DPP4: variants seen among roughly 807,000 people sequenced by gnomAD.
DPP4 encodes dipeptidyl peptidase 4, also known as ADCP-2.
DPP4 carries 93 observed loss-of-function variants against 122.4 expected under a neutral mutation model. The ratio of observed to expected loss-of-function variants is 0.76; its 90% CI spans 0.64 to 0.90. The LOEUF is 0.90. Among genes scored for constraint, DPP4 ranks in the 40% least tolerant of loss-of-function variants. DPP4 has a pLI of 0.00. For missense variants in DPP4, 914 were observed against 907.3 expected, an observed-to-expected ratio of 1.01 and a Z score of -0.09; for synonymous variants, 321 against 302.9, an observed-to-expected ratio of 1.06 and a Z score of -0.62.
intron 9 of DPP4, 37 bp downstream of exon 9, chr2:162,035,127 C>T: frequency 6.3e-7 from 1 of 1,576,364 alleles, no homozygotes; most frequent in Non-Finnish European, 8.6e-7. Flanking sequence ...CTCTTCCCAT[C>T]AAATCATGGA....
At chr2:162,038,885 A>T in intron 7 of DPP4, 64 bp downstream of exon 7, 2 of 1,376,738 alleles carry the variant, frequency 1.5e-6, no homozygotes, top group Non-Finnish European at 2.1e-6. Flanking sequence ...TATCAGGGTT[A>T]GTAACTTCTG....
intron 11 of DPP4, 142 bp from the exon 12 acceptor site, chr2:162,022,941 A>T: frequency 1.1e-6 from 1 of 879,556 alleles, no homozygotes; most frequent in Non-Finnish European, 1.8e-6. Flanking sequence ...TTATGTTAGT[A>T]TTTTTCAAGT....
At chr2:162,026,896 T>A (rs1683348919) in intron 10 of DPP4, among the ~76,000 whole-genome samples, 1 of 152,142 alleles carries the variant, frequency 6.6e-6, no homozygotes, top group Admixed American at 6.5e-5. Context: ...ACTTTTTCAA[T>A]TAAGGGTCAG....
chr2:161,997,381 A>G (rs1309210525), intron 23 of DPP4, among the ~76,000 whole-genome samples: 1 of 152,140 alleles, frequency 6.6e-6, no homozygotes, highest in Non-Finnish European at 1.5e-5. Flanking sequence ...ATCAATATTT[A>G]CTTATTATGT....
intron 19 of DPP4, 30 bp downstream of exon 19, chr2:162,014,366 C>T (rs761317859): frequency 1.9e-6 from 3 of 1,566,354 alleles, no homozygotes; most frequent in Admixed American, 1.7e-5. Context: ...CTCAATACTT[C>T]TAAATTGCTC....
intron 2 of DPP4, among the ~76,000 whole-genome samples, chr2:162,058,644 C>A (rs552597218): frequency 2.9e-4 from 44 of 152,258 alleles, no homozygotes; most frequent in Admixed American, 1.9e-3. Context: ...AACATCTAGA[C>A]CTGGAGTTGG....
Position 162,038,752 on chromosome 2 carries a change from G to A in DPP4, c.492+197C>T, listed in dbSNP as rs140058165. On this transcript the variant is annotated intron_variant, in intron 7 of 25. Transcript: ENST00000360534. ...GCTTGTATATTTCTTTATTGGGAGA[G>A]TGAGTAGAGAGAAGGCAGTTGCATT... 3.7e-3 allele frequency among the ~76,000 whole-genome samples: 567 copies of A among 152,264 alleles called. 7 individuals are homozygous for A. Among genetic ancestry groups the A allele is most frequent in the East Asian group, 0.018 (92 of 5,186 alleles).
intron 22 of DPP4, among the ~76,000 whole-genome samples, chr2:162,006,643 T>C (rs1444405836): frequency 6.6e-6 from 1 of 152,186 alleles, no homozygotes; most frequent in East Asian, 1.9e-4. Context: ...TTGGTTTGGT[T>C]ATTTTGGATA....
At chr2:162,025,810 A>G (rs984116801) in intron 10 of DPP4, among the ~76,000 whole-genome samples, 8 of 151,970 alleles carry the variant, frequency 5.3e-5, no homozygotes, top group African/African-American at 1.9e-4. Context: ...TTTGTCAGAG[A>G]GTTCCAAATG....
At chr2:162,013,059 G>C (rs1376435414) in intron 19 of DPP4, among the ~76,000 whole-genome samples, 1 of 151,366 alleles carries the variant, frequency 6.6e-6, no homozygotes, top group East Asian at 1.9e-4. Flanking sequence ...TATTAAATTT[G>C]GTAGATTAAG....
chr2:162,030,700 C>G (rs536348063), intron 10 of DPP4, among the ~76,000 whole-genome samples: 37 of 152,160 alleles, frequency 2.4e-4, no homozygotes, highest in Admixed American at 7.2e-4. Flanking sequence ...AAACCGCAAC[C>G]TTACCAGTGT....
At chr2:162,073,322 C>T in intron 2 of DPP4, 77 bp downstream of exon 2, 7 of 1,479,888 alleles carry the variant, frequency 4.7e-6, no homozygotes, top group Non-Finnish European at 5.6e-6. Context: ...CAAAATCCCT[C>T]GTTTCCCTTA....
At chr2:162,053,516 C>T (rs143285391) in intron 2 of DPP4, among the ~76,000 whole-genome samples, 144 of 152,256 alleles carry the variant, frequency 9.5e-4, no homozygotes, top group African/African-American at 3.0e-3. Flanking sequence ...AGCCACATGC[C>T]GTCCGTAGGC....
rs1480553468 is a variant in DPP4, at chr2:162,009,269, T to A, written c.1859A>T (p.Asp620Val). 4 of 1,613,800 alleles carry A rather than the reference T, an allele frequency of 2.5e-6. No individual in the cohort carries two copies. In the South Asian group the frequency reaches 4.4e-5, roughly 18 times the overall value. ...GCCCCAAATTGCAATTCGTTTGTTGTCCACAAATCCCATTTTTGAAAATTG... is the reference window on the plus strand; with the variant it reads ...GCCCCAAATTGCAATTCGTTTGTTGACCACAAATCCCATTTTTGAAAATTG... ...ARQFSKMGFVDNKRIAIWGWS... is the reference protein window; with the variant it reads ...ARQFSKMGFVVNKRIAIWGWS... Residue 620 changes from aspartate (D) to valine (V), a missense_variant, in exon 21 of 26, where the codon GAC becomes GTC. Physicochemically the swap from Asp to Val is radical, Grantham distance 152. Coordinates refer to ENST00000360534, the MANE Select transcript of DPP4 (RefSeq NM_001935.4).
chr2:162,014,577 T>C (rs1682845854), intron 18 of DPP4, 112 bp from the exon 19 acceptor site: 1 of 731,378 alleles, frequency 1.4e-6, no homozygotes, highest in African/African-American at 1.8e-5. Context: ...ATTTGTTAAA[T>C]GAGAGTAGAA....
At chr2:162,014,557 G>A (rs1310246367) in intron 18 of DPP4, 92 bp from the exon 19 acceptor site, 2 of 876,592 alleles carry the variant, frequency 2.3e-6, no homozygotes, top group East Asian at 5.1e-5. Flanking sequence ...GTCATTTCTA[G>A]AGTTTAACAA....
At chr2:161,993,447 ACG>A in intron 25 of DPP4, 63 bp from the exon 26 acceptor site, 1 of 1,110,498 alleles carries the variant, frequency 9.0e-7, no homozygotes, top group Non-Finnish European at 1.3e-6. Flanking sequence ...AAAAAAAAAT[ACG>A]TAAATTCAAA....
intron 23 of DPP4, chr2:162,005,495 T>G (rs901734620): frequency 1.4e-5 from 5 of 352,742 alleles, no homozygotes; most frequent in African/African-American, 1.0e-4. Context: ...ATTAAAGTAA[T>G]TATCTGATGT....
Position 162,074,160 on chromosome 2 carries a change from G to T in DPP4, c.-179C>A, listed in dbSNP as rs1470184072. ...CGAGCCCGCTGGGTATAAAGGCGCCGCGGGCAGGCTGCAGGGCAGGCGGCG... is the reference window on the plus strand; with the variant it reads ...CGAGCCCGCTGGGTATAAAGGCGCCTCGGGCAGGCTGCAGGGCAGGCGGCG... On this transcript the variant is annotated 5_prime_UTR_variant, in exon 1 of 26. Transcript: ENST00000360534. The T allele has an allele frequency of 3.0e-6, 4 of 1,316,358 alleles. No homozygotes were observed. Among genetic ancestry groups the T allele is most frequent in the Non-Finnish European group, 3.9e-6 (4 of 1,034,462 alleles). The allele number at this position is 1,316,358 out of a possible 1,614,324, so 81.5% of individuals were successfully genotyped here.
Sources: gnomAD v4.1 joint callset for allele counts (sites outside exome capture counted in the v4.1 genomes callset) on GRCh38, gnomAD v4.1.1 for gene constraint, MANE v1.5 for transcripts, NCBI Gene and HGNC (gene_info 2026-07-23, HGNC 2026-07-21) for gene names.